The following ZFAT variants were observed in gnomAD, a reference collection of about 807,000 sequenced individuals.
ZFAT encodes zinc finger protein ZFAT.
ZFAT carries 64 observed loss-of-function variants against 117.7 expected under a neutral mutation model. That is an observed-to-expected ratio of 0.54 (90% CI 0.44 to 0.67). The LOEUF is 0.67. Among genes scored for constraint, ZFAT ranks in the 30% least tolerant of loss-of-function variants. ZFAT has a pLI of 0.00. For synonymous variants in ZFAT, 679 were observed against 615.0 expected (o/e 1.10, Z -1.54); for missense variants, 1,433 against 1,584.5 (o/e 0.90, Z 1.62).
the ZFAT span, among the ~76,000 whole-genome samples, chr8:134,787,109 A>T: frequency 7.9e-5 from 12 of 152,240 alleles, no homozygotes; most frequent in East Asian, 1.2e-3. Context: ...TCAGCCTCCC[A>T]GTGCTAGGAT....
Position 134,670,536 on chromosome 8 carries a change from G to C in ZFAT, c.20-12799C>G, listed in dbSNP as rs577131465. Among the ~76,000 whole-genome samples, 22 of 152,332 alleles carry C rather than the reference G, an allele frequency of 1.4e-4. No individual in the cohort carries two copies. In the East Asian group the frequency reaches 4.2e-3, roughly 29 times the overall value. On this transcript the variant is annotated intron_variant, in intron 1 of 15. Coordinates refer to ENST00000377838, the MANE Select transcript of ZFAT (RefSeq NM_020863.4). ...ATAACTAAATGAAAGCAGAAATAAA[G>C]ATGTTCTTTGAAACCAATGAGAACA...
chr8:134,767,074 T>C, the ZFAT span: 6 of 152,250 alleles, frequency 3.9e-5, no homozygotes, highest in Admixed American at 3.3e-4. Context: ...AATTTTGAAA[T>C]GTCAGGTTTC....
rs548979980 is a variant in ZFAT, at chr8:134,676,498, G to A, written c.20-18761C>T. Among the ~76,000 whole-genome samples, 99 of 152,266 alleles carry A rather than the reference G, an allele frequency of 6.5e-4. 1 individual carries two copies. The South Asian group carries it at 9.3e-3, about 14-fold the overall frequency. On this transcript the variant is annotated intron_variant, in intron 1 of 15. Coordinates refer to ENST00000377838, the MANE Select transcript of ZFAT (RefSeq NM_020863.4). ...TTAGACTCCCACACAGTAATAGTGG[G>A]AAACTTTAACACCTCACTGTCAATA... is the stretch of plus-strand genomic sequence containing the variant.
the ZFAT span, among the ~76,000 whole-genome samples, chr8:134,744,191 T>C: frequency 6.6e-6 from 1 of 152,176 alleles, no homozygotes; most frequent in South Asian, 2.1e-4. Flanking sequence ...CACTGGTGGT[T>C]GGCAGAATTC....
chr8:134,555,445 G>A (rs546387172), intron 11 of ZFAT, among the ~76,000 whole-genome samples: 2 of 152,344 alleles, frequency 1.3e-5, no homozygotes, highest in African/African-American at 4.8e-5. Flanking sequence ...GTTCTCAGAT[G>A]CCAGCCCAAG....
intron 2 of ZFAT, among the ~76,000 whole-genome samples, chr8:134,643,250 A>T (rs1830689489): frequency 6.6e-6 from 1 of 152,238 alleles, no homozygotes; most frequent in African/African-American, 2.4e-5. Context: ...GGAATTGAAT[A>T]CAGACCTGTT....
chr8:134,495,356 G>T (rs529909222), intron 15 of ZFAT, among the ~76,000 whole-genome samples: 1 of 152,058 alleles, frequency 6.6e-6, no homozygotes, highest in Non-Finnish European at 1.5e-5. Flanking sequence ...GGCACTCATC[G>T]CATTCATGGG....
the ZFAT span, among the ~76,000 whole-genome samples, chr8:134,810,869 T>C: frequency 2.0e-5 from 3 of 152,188 alleles, no homozygotes; most frequent in South Asian, 2.1e-4. Context: ...CTGCTGACCA[T>C]GAGGGGCATA....
At chr8:134,562,236 T>C (rs559691080) in intron 11 of ZFAT, among the ~76,000 whole-genome samples, 1 of 152,304 alleles carries the variant, frequency 6.6e-6, no homozygotes, top group East Asian at 1.9e-4. Context: ...GAATTTTTTT[T>C]CCCAGAACCT....
At chr8:134,687,009 C>T (rs1368245601) in intron 1 of ZFAT, among the ~76,000 whole-genome samples, 1 of 152,150 alleles carries the variant, frequency 6.6e-6, no homozygotes, top group Non-Finnish European at 1.5e-5. Context: ...GCATCTTCAA[C>T]CAAAGCAAGG....
chr8:134,612,885 G>T (rs1332233623), intron 3 of ZFAT, among the ~76,000 whole-genome samples: 1 of 152,206 alleles, frequency 6.6e-6, no homozygotes, highest in African/African-American at 2.4e-5. Flanking sequence ...AAAGTCACTG[G>T]CAGTGCCTAC....
chr8:134,606,617 G>A (rs142246674), intron 5 of ZFAT, among the ~76,000 whole-genome samples: 293 of 151,900 alleles, frequency 1.9e-3, no homozygotes, highest in African/African-American at 6.8e-3. Context: ...TCAGGAGGCT[G>A]AGGCAAGAGA....
intron 2 of ZFAT, among the ~76,000 whole-genome samples, chr8:134,639,150 CA>C (rs1830440463): frequency 6.6e-6 from 1 of 152,116 alleles, no homozygotes. Context: ...GCCACAGGGG[CA>C]AAGGGGAGCA....
upstream of ZFAT, among the ~76,000 whole-genome samples, chr8:134,715,118 T>A (rs2131378584): frequency 6.6e-6 from 1 of 152,370 alleles, no homozygotes; most frequent in South Asian, 2.1e-4. Context: ...TTGTGCCGGT[T>A]TGCCTTTCTC....
In ZFAT at chr8:134,565,391, T is replaced by TAGTC; in HGVS notation, c.2914_2917dup (p.Tyr973Ter). 3 of 1,613,914 alleles carry TAGTC rather than the reference T, an allele frequency of 1.9e-6. No homozygotes were observed. Among genetic ancestry groups the TAGTC allele is most frequent in the Non-Finnish European group, 2.5e-6 (3 of 1,179,866 alleles). On this transcript the variant is annotated stop_gained and frameshift_variant, in exon 11 of 16. Transcript: ENST00000377838. LOFTEE classifies it high-confidence loss of function. ...CAGCTGTGGCTTCTGGGCCGCTGTGTAGTCACACACCGTGCACTTAAACTG... is the reference window on the plus strand; with the variant it reads ...CAGCTGTGGCTTCTGGGCCGCTGTGTAGTCAGTCACACACCGTGCACTTAAACTG...
chr8:134,716,143 T>TTATATACATA (rs1814208692), upstream of ZFAT, among the ~76,000 whole-genome samples: 2 of 142,158 alleles, frequency 1.4e-5, no homozygotes, highest in African/African-American at 5.2e-5. Context: ...TAAAATTTAT[T>TTATATACATA]TATATATATA....
At chr8:134,652,575 A>G (rs1308599636) in intron 2 of ZFAT, among the ~76,000 whole-genome samples, 1 of 152,258 alleles carries the variant, frequency 6.6e-6, no homozygotes, top group Non-Finnish European at 1.5e-5. Context: ...TATTTTCTAT[A>G]CAAAGAGCTC....
At chr8:134,809,836 C>G in the ZFAT span, among the ~76,000 whole-genome samples, 1 of 152,054 alleles carries the variant, frequency 6.6e-6, no homozygotes, top group African/African-American at 2.4e-5. Flanking sequence ...ATTCTCTGAC[C>G]ATAATTGAAA....
intron 2 of ZFAT, among the ~76,000 whole-genome samples, chr8:134,646,270 A>C (rs1162968832): frequency 6.6e-6 from 1 of 152,180 alleles, no homozygotes; most frequent in Non-Finnish European, 1.5e-5. Flanking sequence ...AAAAGGAAGA[A>C]ATTTGGGAAA....
Sources: allele counts gnomAD v4.1 joint callset (sites outside exome capture counted in the v4.1 genomes callset), GRCh38; gene constraint gnomAD v4.1.1; transcripts MANE v1.5; gene names NCBI Gene and HGNC (gene_info 2026-07-23, HGNC 2026-07-21).